The following ATP11A variants were observed in gnomAD, a reference collection of about 807,000 sequenced individuals.
The protein encoded by ATP11A is ATPase phospholipid transporting 11A.
In ATP11A, 81 loss-of-function variants were observed where a neutral mutation model predicts 154.4. The ratio of observed to expected loss-of-function variants is 0.52; its 90% CI spans 0.44 to 0.63. The LOEUF (loss-of-function observed/expected upper bound fraction) is 0.63. Among genes scored for constraint, ATP11A ranks in the 30% least tolerant of loss-of-function variants. The pLI, the probability that ATP11A is intolerant of heterozygous loss-of-function variation, is 0.00. For synonymous variants in ATP11A, 623 were observed against 585.9 expected (o/e 1.06, Z -0.91); for missense variants, 1,316 against 1,474.3 (o/e 0.89, Z 1.76).
chr13:112,767,883 C>T (rs1008106413), intron 1 of ATP11A, among the ~76,000 whole-genome samples: 1 of 152,126 alleles, frequency 6.6e-6, no homozygotes, highest in African/African-American at 2.4e-5. Flanking sequence ...CCTCGCAGCA[C>T]TCAGGTGTGG....
intron 18 of ATP11A, among the ~76,000 whole-genome samples, chr13:112,853,649 A>G (rs1356941055): frequency 1.3e-5 from 2 of 152,062 alleles, no homozygotes; most frequent in East Asian, 1.9e-4. Context: ...TCCATATGTA[A>G]ATAGGTGTGG....
intron 1 of ATP11A, among the ~76,000 whole-genome samples, chr13:112,712,853 GTC>G (rs1193463203): frequency 6.6e-6 from 1 of 152,232 alleles, no homozygotes; most frequent in Non-Finnish European, 1.5e-5. Flanking sequence ...GGGAGGTTGT[GTC>G]TCTGGTGTTT....
chr13:112,830,536 A>C (rs1307053244), intron 12 of ATP11A, among the ~76,000 whole-genome samples: 1 of 152,216 alleles, frequency 6.6e-6, no homozygotes, highest in Admixed American at 6.5e-5. Context: ...AGATCATACC[A>C]CTGCACTGCA....
intron 1 of ATP11A, among the ~76,000 whole-genome samples, chr13:112,734,106 A>G (rs1890758746): frequency 6.6e-6 from 1 of 152,194 alleles, no homozygotes; most frequent in Admixed American, 6.5e-5. Flanking sequence ...GTGAGCCACC[A>G]GGAGAGTGAG....
At chr13:112,808,583 C>T (rs79196220) in intron 4 of ATP11A, among the ~76,000 whole-genome samples, 2,642 of 152,012 alleles carry the variant, frequency 0.017, 72 homozygotes, top group East Asian at 0.063. Flanking sequence ...CACTGTGGCT[C>T]CAGCAGGGCT....
At chr13:112,810,384 A>G (rs1021905143) in intron 4 of ATP11A, among the ~76,000 whole-genome samples, 1 of 152,234 alleles carries the variant, frequency 6.6e-6, no homozygotes, top group African/African-American at 2.4e-5. Context: ...TCTTTCTCCA[A>G]CGTCTTCGAA....
intron 12 of ATP11A, among the ~76,000 whole-genome samples, chr13:112,828,017 G>C (rs921156257): frequency 2.0e-5 from 3 of 152,270 alleles, no homozygotes; most frequent in African/African-American, 4.8e-5. Flanking sequence ...CATTTTGTGA[G>C]CTTCTGATAA....
intron 24 of ATP11A, 180 bp downstream of exon 24, chr13:112,860,594 G>C: frequency 1.5e-6 from 1 of 655,900 alleles, no homozygotes; most frequent in East Asian, 2.8e-5. Context: ...CTCAAATGGA[G>C]ATTCTTCAAG....
chr13:112,700,328 G>A (rs555749564), intron 1 of ATP11A, among the ~76,000 whole-genome samples: 8 of 152,224 alleles, frequency 5.3e-5, no homozygotes, highest in Non-Finnish European at 8.8e-5. Flanking sequence ...CGTGCTGTGG[G>A]CACCTCCGGG....
In ATP11A at chr13:112,884,842, GGGCCTGCTGC is replaced by G. The variant is rs1428146166; in HGVS notation, c.*2977_*2986del. The G allele has an allele frequency of 6.7e-6, 1 of 149,612 alleles. No individual in the cohort carries two copies. The highest frequency in any genetic ancestry group is 2.5e-5 in the African/African-American group (1 of 40,468). 9.3% of individuals were successfully genotyped at this position (149,612 alleles called of 1,614,324 possible). On this transcript the variant is annotated 3_prime_UTR_variant, in exon 30 of 30. Coordinates refer to ENST00000375645, the MANE Select transcript of ATP11A (RefSeq NM_015205.3). ...ACAGACCGTCTCAGACACGCACAGTGGGCCTGCTGCATGATTCACACCCAGTCCCTGCCAC... is the reference window on the plus strand; with the variant it reads ...ACAGACCGTCTCAGACACGCACAGTGATGATTCACACCCAGTCCCTGCCAC...
chr13:112,742,931 G>C (rs1891709773), intron 1 of ATP11A, among the ~76,000 whole-genome samples: 1 of 152,170 alleles, frequency 6.6e-6, no homozygotes, highest in East Asian at 1.9e-4. Context: ...AGAGGGGAGA[G>C]GCACTCACTC....
rs940954766 is a variant in ATP11A at position 112,697,522 on chromosome 13, C to G, written c.39+7067C>G. ...TGTCCCCAGAGCCTGGTGTCCAGAG[C>G]CAGAGTTCCGAGGGCCTCCTCATAG... On this transcript the variant is annotated intron_variant, in intron 1 of 29. Transcript: ENST00000375645. This position sits in a 1 kb window ranked among gnomAD's most constrained non-coding sequence, Gnocchi z 4.0. Among the ~76,000 whole-genome samples the G allele has an allele frequency of 1.4e-4, 21 of 152,126 alleles. No individual in the cohort carries two copies. The highest frequency in any genetic ancestry group is 5.1e-4 in the African/African-American group (21 of 41,424).
intron 19 of ATP11A, among the ~76,000 whole-genome samples, chr13:112,855,193 G>A (rs556144484): frequency 4.6e-5 from 7 of 152,050 alleles, no homozygotes; most frequent in African/African-American, 1.7e-4. Context: ...GGATTGGAGG[G>A]TTTTTTTTGT....
intron 1 of ATP11A, among the ~76,000 whole-genome samples, chr13:112,757,114 C>T (rs955209054): frequency 3.3e-5 from 5 of 152,196 alleles, no homozygotes; most frequent in Non-Finnish European, 7.3e-5. Flanking sequence ...ACTGCTGCTA[C>T]AATCTGTAGT....
chr13:112,789,246 C>G (rs188458812), intron 2 of ATP11A, among the ~76,000 whole-genome samples: 28 of 150,306 alleles, frequency 1.9e-4, no homozygotes, highest in African/African-American at 7.0e-4. Context: ...TTAATCCACA[C>G]CGGGTGTCCT....
At chr13:112,854,681 G>A in intron 19 of ATP11A, 151 bp downstream of exon 19, 2 of 931,566 alleles carry the variant, frequency 2.1e-6, no homozygotes, top group Non-Finnish European at 3.1e-6. Flanking sequence ...TAGGGGTCAG[G>A]TGAACACTGG....
At chr13:112,792,236 A>T (rs2077880214) in intron 2 of ATP11A, among the ~76,000 whole-genome samples, 1 of 152,212 alleles carries the variant, frequency 6.6e-6, no homozygotes. Context: ...CTGGCCTGAC[A>T]GTAACCTTGA....
chr13:112,796,401 G>A (rs2077999559), intron 2 of ATP11A, among the ~76,000 whole-genome samples: 1 of 152,146 alleles, frequency 6.6e-6, no homozygotes, highest in African/African-American at 2.4e-5. Context: ...CTATTCATGT[G>A]GCCAAAAGTA....
intron 1 of ATP11A, chr13:112,717,512 G>C (rs1888604328): frequency 6.6e-6 from 1 of 152,168 alleles, no homozygotes; most frequent in African/African-American, 2.4e-5. Flanking sequence ...TACTCTTGTG[G>C]TACATGTTTA....
Sources: allele counts gnomAD v4.1 joint callset (sites outside exome capture counted in the v4.1 genomes callset), GRCh38; gene constraint gnomAD v4.1.1; non-coding constraint Gnocchi (gnomAD v3.1); transcripts MANE v1.5; gene names NCBI Gene and HGNC (gene_info 2026-07-23, HGNC 2026-07-21).